KRIT1: variants seen among roughly 807,000 people sequenced by gnomAD.
KRIT1 encodes KRIT1 ankyrin repeat containing, also known as krev interaction trapped protein 1.
In KRIT1, 45 loss-of-function variants were observed where a neutral mutation model predicts 95.8. The ratio of observed to expected loss-of-function variants is 0.47; its 90% CI spans 0.37 to 0.60. The LOEUF is 0.60. Ranked by LOEUF, KRIT1 falls within the 20% of genes least tolerant of loss-of-function variation. The probability of loss-of-function intolerance (pLI) is 0.00; values close to 1 mark genes in which losing one functional copy is unlikely to be tolerated. For synonymous variants in KRIT1, 282 were observed against 278.8 expected, an observed-to-expected ratio of 1.01 and a Z score of -0.11; for missense variants, 788 against 877.5, an observed-to-expected ratio of 0.90 and a Z score of 1.29.
intron 12 of KRIT1, 45 bp from the exon 13 acceptor site, chr7:92,223,023 A>G: frequency 8.2e-7 from 1 of 1,220,216 alleles, no homozygotes; most frequent in Non-Finnish European, 1.2e-6. Context: ...AAAATTATAC[A>G]TCACAATCTA....
intron 14 of KRIT1, among the ~76,000 whole-genome samples, chr7:92,216,701 C>T (rs1250292659): frequency 6.6e-6 from 1 of 152,138 alleles, no homozygotes; most frequent in Non-Finnish European, 1.5e-5. Flanking sequence ...AACTTGTGAT[C>T]TAATGAATGG....
At chr7:92,213,440 T>C (rs201642279) in intron 16 of KRIT1, 39 bp from the exon 17 acceptor site, 45 of 1,391,080 alleles carry the variant, frequency 3.2e-5, no homozygotes, top group African/African-American at 8.5e-5. Flanking sequence ...AAAAGAGATA[T>C]GAAAGGAAAA....
chr7:92,214,574 G>C (rs1308052679), intron 15 of KRIT1, 37 bp downstream of exon 15: 2 of 1,478,322 alleles, frequency 1.4e-6, no homozygotes. Flanking sequence ...AGAATCTTAA[G>C]CATAGCACAA....
At chr7:92,207,744 C>CTGAG (rs1260616719) in intron 17 of KRIT1, among the ~76,000 whole-genome samples, 2 of 152,138 alleles carry the variant, frequency 1.3e-5, no homozygotes, top group African/African-American at 4.8e-5. Flanking sequence ...GTAATCCCAG[C>CTGAG]TACTCAGGAG....
rs146060717 is a variant in KRIT1 at position 92,225,824 on chromosome 7, T to C, written c.1150A>G (p.Ile384Val). 2.6e-6 allele frequency: 4 copies of C among 1,562,930 alleles called. No homozygotes were observed. Among genetic ancestry groups the C allele is most frequent in the African/African-American group, 1.4e-5 (1 of 73,904 alleles). ...GGAGATCTTCCTTGTTGGTCTGTTA[T>C]ATGCTAGAAATGTGGGTGGGGAGGG... ...LLNHPETDRH[I>V]TDQQGRSPLN... The change falls in exon 12 of 19, where the codon ATA becomes GTA. Residue 384 changes from isoleucine to valine, a missense_variant. Ile to Val is a conservative substitution (Grantham distance 29). Around this residue, in one of 3 missense-constraint regions of KRIT1, gnomAD observed 493 missense variants for 582.3 expected, o/e 0.85. Transcript: ENST00000394505.
intron 14 of KRIT1, among the ~76,000 whole-genome samples, chr7:92,217,713 T>C (rs1289526322): frequency 2.6e-5 from 4 of 152,216 alleles, no homozygotes; most frequent in Admixed American, 1.3e-4. Context: ...TTATTATGAA[T>C]AATGCTGCAG....
chr7:92,224,146 GCA>G (rs1795737626), intron 12 of KRIT1, among the ~76,000 whole-genome samples: 1 of 152,092 alleles, frequency 6.6e-6, no homozygotes, highest in African/African-American at 2.4e-5. Flanking sequence ...CTAATTTTCA[GCA>G]CTTTGTCATG....
At chr7:92,227,820 T>C (rs1279276127) in intron 10 of KRIT1, among the ~76,000 whole-genome samples, 1 of 152,032 alleles carries the variant, frequency 6.6e-6, no homozygotes. Context: ...GAGACCAGCC[T>C]GGCCAACATG....
rs753958961 is a variant in KRIT1 at position 92,234,815 on chromosome 7, C to T, written c.838G>A (p.Glu280Lys). The change falls in exon 9 of 19, where the codon GAA (glutamate) becomes AAA (lysine). Residue 280 changes from glutamate (E) to lysine (K), a missense_variant. Physicochemically the swap from Glu to Lys is moderately conservative, Grantham distance 56. Around this residue, in one of 3 missense-constraint regions of KRIT1, gnomAD observed 493 missense variants for 582.3 expected, o/e 0.85. Coordinates refer to ENST00000394505, the MANE Select transcript of KRIT1 (RefSeq NM_194454.3). Reference protein sequence around the residue: ...KWQRSMSSVTEDKERQWVDDF... With the variant: ...KWQRSMSSVTKDKERQWVDDF... ...GTAAAACCGAAACAGTACTTGTCTT[C>T]TGTGACACTGCTCATGCTTCTCTGC... 1.3e-6 allele frequency: 2 copies of T among 1,576,160 alleles called. No individual in the cohort carries two copies. Among genetic ancestry groups the T allele is most frequent in the African/African-American group, 1.3e-5 (1 of 74,118 alleles).
chr7:92,200,832 A>G lies in KRIT1; in HGVS notation c.2143-28T>C, dbSNP rs190282704. Reference sequence around the variant, plus strand: ...ACAAAGTAAAACATGTCAATAATAAATATAAAACATGTAAGAATCTTTAAA... The same window carrying G: ...ACAAAGTAAAACATGTCAATAATAAGTATAAAACATGTAAGAATCTTTAAA... On this transcript the variant is annotated intron_variant, in intron 18 of 18. Coordinates refer to ENST00000394505, the MANE Select transcript of KRIT1 (RefSeq NM_194454.3). 1.0e-4 allele frequency: 146 copies of G among 1,457,982 alleles called. No homozygotes were observed. The African/African-American group carries it at 1.8e-3, about 18-fold the overall frequency. 90.3% of individuals were successfully genotyped at this position (1,457,982 alleles called of 1,614,324 possible).
intron 2 of KRIT1, 108 bp from the exon 3 acceptor site, chr7:92,244,257 T>G (rs1800347836): frequency 1.3e-5 from 2 of 152,218 alleles, no homozygotes; most frequent in South Asian, 4.1e-4. Flanking sequence ...AAAAATCAAG[T>G]AACTCTTACT....
At chr7:92,211,857 C>T (rs770262989) in intron 17 of KRIT1, among the ~76,000 whole-genome samples, 2 of 151,880 alleles carry the variant, frequency 1.3e-5, no homozygotes, top group Non-Finnish European at 2.9e-5. Context: ...CTTTGGGAAG[C>T]TGAGGCAGGA....
intron 10 of KRIT1, among the ~76,000 whole-genome samples, chr7:92,230,656 G>A (rs192804889): frequency 6.6e-6 from 1 of 152,264 alleles, no homozygotes; most frequent in East Asian, 1.9e-4. Context: ...AGAGAATCAT[G>A]CATGTTTGAG....
chr7:92,244,387 T>C (rs1800385520), intron 2 of KRIT1, among the ~76,000 whole-genome samples: 1 of 152,214 alleles, frequency 6.6e-6, no homozygotes, highest in Non-Finnish European at 1.5e-5. Context: ...TAATTAATAC[T>C]GCACAGAAGC....
At chr7:92,240,876 G>T in intron 5 of KRIT1, 117 bp downstream of exon 5, 3 of 857,510 alleles carry the variant, frequency 3.5e-6, no homozygotes, top group South Asian at 1.5e-5. Flanking sequence ...TTTTTTGCAA[G>T]TTTGTTAAAT....
rs560220358 is a variant in KRIT1, at chr7:92,227,257, T to C, written c.990-575A>G. 4.6e-4 allele frequency among the ~76,000 whole-genome samples: 70 copies of C among 152,276 alleles called. 2 individuals are homozygous for C. The South Asian group carries it at 0.012, about 27-fold the overall frequency. ...CTGTAAAATTTAAGTATGGTAATGT[T>C]TGTCCATGCTTTAAAAAATATCAGA... is the stretch of plus-strand genomic sequence containing the variant. On this transcript the variant is annotated intron_variant, in intron 10 of 18. Transcript: ENST00000394505.
At chr7:92,240,629 G>C (rs906466195) in intron 5 of KRIT1, among the ~76,000 whole-genome samples, 6 of 152,112 alleles carry the variant, frequency 3.9e-5, no homozygotes, top group Non-Finnish European at 4.4e-5. Flanking sequence ...CTGCTACTTG[G>C]TAATTTACAG....
intron 4 of KRIT1, 152 bp downstream of exon 4, chr7:92,241,882 C>T: frequency 1.8e-6 from 1 of 570,838 alleles, no homozygotes; most frequent in Non-Finnish European, 3.1e-6. Context: ...GGTCAAAAGG[C>T]ACGTGGCAGA....
At chr7:92,229,116 T>C (rs1421606002) in intron 10 of KRIT1, among the ~76,000 whole-genome samples, 2 of 152,218 alleles carry the variant, frequency 1.3e-5, no homozygotes, top group African/African-American at 2.4e-5. Context: ...AGTAATGGGA[T>C]TGCTAGGTCA....
Sources: allele counts gnomAD v4.1 joint callset (sites outside exome capture counted in the v4.1 genomes callset), GRCh38; gene constraint gnomAD v4.1.1; regional missense constraint gnomAD v4.1.1; transcripts MANE v1.5; gene names NCBI Gene and HGNC (gene_info 2026-07-23, HGNC 2026-07-21).